ADK: variants seen among roughly 807,000 people sequenced by gnomAD.
ADK encodes adenosine kinase.
A neutral mutation model predicts 44.7 loss-of-function variants in ADK; 24 were observed. That is an observed-to-expected ratio of 0.54 (90% CI 0.39 to 0.76). The LOEUF (loss-of-function observed/expected upper bound fraction) is 0.76, where lower values mean the gene tolerates loss of function less well. Ranked by LOEUF, ADK falls within the 30% of genes least tolerant of loss-of-function variation. ADK has a pLI of 0.00. For missense variants in ADK, 321 were observed against 425.1 expected, an observed-to-expected ratio of 0.76 and a Z score of 2.15; for synonymous variants, 128 against 142.6, an observed-to-expected ratio of 0.90 and a Z score of 0.73.
chr10:74,544,782 A>G (rs1205008733), intron 7 of ADK, among the ~76,000 whole-genome samples: 1 of 152,014 alleles, frequency 6.6e-6, no homozygotes, highest in Non-Finnish European at 1.5e-5. Context: ...GAATCACTTG[A>G]ACCCGGGAGG....
chr10:74,565,660 G>A (rs944614231), intron 7 of ADK, among the ~76,000 whole-genome samples: 14 of 146,244 alleles, frequency 9.6e-5, no homozygotes, highest in Admixed American at 4.2e-4. Flanking sequence ...CCAGGAGGCA[G>A]AGGTTGCAGT....
intron 3 of ADK, among the ~76,000 whole-genome samples, chr10:74,308,058 A>G (rs894286486): frequency 1.4e-4 from 21 of 152,224 alleles, no homozygotes; most frequent in Admixed American, 1.3e-3. Context: ...TACAATGGGT[A>G]GAAACCTAAT....
At chr10:74,443,458 A>G (rs1242015412) in intron 6 of ADK, among the ~76,000 whole-genome samples, 1 of 152,180 alleles carries the variant, frequency 6.6e-6, no homozygotes, top group Admixed American at 6.5e-5. Context: ...AAGGCTGTCT[A>G]TTGTATGATC....
intron 9 of ADK, among the ~76,000 whole-genome samples, chr10:74,630,541 T>C (rs1336708344): frequency 2.0e-5 from 3 of 152,180 alleles, no homozygotes; most frequent in Admixed American, 6.5e-5. Context: ...ATTCAGATTA[T>C]GCATTTTTGG....
At chr10:74,292,233 A>T (rs1355508705) in intron 3 of ADK, among the ~76,000 whole-genome samples, 2 of 152,180 alleles carry the variant, frequency 1.3e-5, no homozygotes, top group African/African-American at 4.8e-5. Context: ...TATGGAATAT[A>T]CTGGAGGGGA....
intron 2 of ADK, among the ~76,000 whole-genome samples, chr10:74,222,613 A>C (rs977766704): frequency 6.6e-6 from 1 of 152,328 alleles, no homozygotes; most frequent in South Asian, 2.1e-4. Context: ...AACCAACCCA[A>C]ATGTCCAACA....
intron 10 of ADK, among the ~76,000 whole-genome samples, chr10:74,702,545 T>TTCCTTCCTTCCTTCCTTCCTTCCTTCCC (rs1856466002): frequency 6.7e-6 from 1 of 148,972 alleles, no homozygotes; most frequent in Admixed American, 6.8e-5. Context: ...CCTTCCTTCC[T>TTCCTTCCTTCCTTCCTTCCTTCCTTCCC]TCCTTCCTTC....
chr10:74,629,845 G>A (rs1853347532), intron 9 of ADK, among the ~76,000 whole-genome samples: 1 of 151,978 alleles, frequency 6.6e-6, no homozygotes, highest in African/African-American at 2.4e-5. Context: ...ATATCAGCTG[G>A]TACATCTTAG....
At chr10:74,384,896 T>C (rs1264663808) in intron 4 of ADK, among the ~76,000 whole-genome samples, 2 of 152,194 alleles carry the variant, frequency 1.3e-5, no homozygotes, top group Non-Finnish European at 2.9e-5. Flanking sequence ...TTGAACTTGC[T>C]TAAGATACTT....
intron 7 of ADK, among the ~76,000 whole-genome samples, chr10:74,583,148 C>T (rs1470291165): frequency 6.6e-6 from 1 of 152,078 alleles, no homozygotes; most frequent in East Asian, 1.9e-4. Context: ...TATTTAGAAG[C>T]TTTAGCAGTA....
chr10:74,194,545 T>C (rs1843055529), intron 1 of ADK, among the ~76,000 whole-genome samples: 1 of 152,200 alleles, frequency 6.6e-6, no homozygotes, highest in South Asian at 2.1e-4. Flanking sequence ...AGAAGCTAGG[T>C]AGATTTTAAG....
chr10:74,491,694 A>G (rs1357759726), intron 6 of ADK, among the ~76,000 whole-genome samples: 3 of 152,214 alleles, frequency 2.0e-5, no homozygotes, highest in Admixed American at 6.5e-5. Flanking sequence ...TTGTCTTACC[A>G]ATAATTTGAT....
intron 5 of ADK, among the ~76,000 whole-genome samples, chr10:74,395,857 A>G (rs1843487461): frequency 6.6e-6 from 1 of 152,104 alleles, no homozygotes; most frequent in Non-Finnish European, 1.5e-5. Context: ...CGTCTCTACT[A>G]AAAATGTAAA....
intron 10 of ADK, among the ~76,000 whole-genome samples, chr10:74,675,737 C>A (rs1204507960): frequency 6.6e-6 from 1 of 152,162 alleles, no homozygotes; most frequent in East Asian, 1.9e-4. Flanking sequence ...CAGGCACTGT[C>A]ATTGTTCCCA....
At chr10:74,653,525 G>C (rs928315560) in intron 9 of ADK, among the ~76,000 whole-genome samples, 3 of 151,930 alleles carry the variant, frequency 2.0e-5, no homozygotes, top group African/African-American at 7.3e-5. Flanking sequence ...TTCCCCTGGT[G>C]CTGCAGCTTC....
rs149772505 is a variant in ADK at position 74,401,157 on chromosome 10, A to G, written c.555+2578A>G. On this transcript the variant is annotated intron_variant, in intron 6 of 10. Transcript: ENST00000539909. ...TTAGGGACTACTGGCTATGGTGACT[A>G]GGTAATTATGTTTTTGAAAACATAA... Among the ~76,000 whole-genome samples, 335 of 152,310 alleles carry G rather than the reference A, an allele frequency of 2.2e-3. 2 individuals carry two copies. Among genetic ancestry groups the G allele is most frequent in the African/African-American group, 7.6e-3 (317 of 41,574 alleles).
intron 4 of ADK, among the ~76,000 whole-genome samples, chr10:74,374,671 G>T (rs1206270798): frequency 6.6e-6 from 1 of 152,072 alleles, no homozygotes; most frequent in Non-Finnish European, 1.5e-5. Flanking sequence ...TGCATGGTTA[G>T]TCCTTCATAA....
chr10:74,290,113 C>T (rs1847354225), intron 3 of ADK, among the ~76,000 whole-genome samples: 2 of 151,996 alleles, frequency 1.3e-5, no homozygotes, highest in African/African-American at 4.8e-5. Flanking sequence ...CACACACACT[C>T]ACATAGGGGT....
At chr10:74,208,712 T>TA (rs1843693663) in intron 2 of ADK, among the ~76,000 whole-genome samples, 1 of 151,642 alleles carries the variant, frequency 6.6e-6, no homozygotes, top group African/African-American at 2.4e-5. Context: ...GTACTATGTA[T>TA]ATATATATTT....
Sources: gnomAD v4.1 joint callset for allele counts (sites outside exome capture counted in the v4.1 genomes callset) on GRCh38, gnomAD v4.1.1 for gene constraint, MANE v1.5 for transcripts, NCBI Gene and HGNC (gene_info 2026-07-23, HGNC 2026-07-21) for gene names.